Variants in RALGAPA2 observed in about 807,000 individuals in gnomAD.
RALGAPA2 encodes the protein ral GTPase-activating protein subunit alpha-2.
A neutral mutation model predicts 230.4 loss-of-function variants in RALGAPA2; 139 were observed. The observed-to-expected ratio is 0.60, with a 90% CI of 0.53 to 0.69. The LOEUF (loss-of-function observed/expected upper bound fraction) is 0.69. Among genes scored for constraint, RALGAPA2 ranks in the 30% least tolerant of loss-of-function variants. The pLI, the probability that RALGAPA2 is intolerant of heterozygous loss-of-function variation, is 0.00. For synonymous variants in RALGAPA2, 847 were observed against 837.8 expected, an observed-to-expected ratio of 1.01 and a Z score of -0.19; for missense variants, 2,163 against 2,276.0, an observed-to-expected ratio of 0.95 and a Z score of 1.01.
At position 20,564,934 on chromosome 20, in the gene RALGAPA2, T is replaced by A. The variant is rs550249333; in HGVS notation, c.3156+6524A>T. On this transcript the variant is annotated intron_variant, in intron 23 of 39. Transcript: ENST00000202677. Reference sequence around the variant, plus strand: ...TGTTGTATAAACCTATAGTTTTTTTTAAACTGTTTTTAAATGAAGCTTTAA... The same window carrying A: ...TGTTGTATAAACCTATAGTTTTTTTAAAACTGTTTTTAAATGAAGCTTTAA... Among the ~76,000 whole-genome samples, 11 of 152,346 alleles carry A rather than the reference T, an allele frequency of 7.2e-5. No homozygotes were observed. The South Asian group carries it at 1.0e-3, about 14-fold the overall frequency.
rs116452625 is a variant in RALGAPA2, at chr20:20,395,769, A to G, written c.*35+926T>C. 6.2e-3 allele frequency among the ~76,000 whole-genome samples: 946 copies of G among 152,274 alleles called. 11 individuals are homozygous for G. Among genetic ancestry groups the G allele is most frequent in the African/African-American group, 0.022 (908 of 41,546 alleles). On this transcript the variant is annotated intron_variant, in intron 39 of 39. Coordinates refer to ENST00000202677, the MANE Select transcript of RALGAPA2 (RefSeq NM_020343.4). ...GCCTGCAGGTCCAACAGCCCTGCCT[A>G]GCAGAGGAGGGTGAAGGTTTGGATA...
intron 37 of RALGAPA2, among the ~76,000 whole-genome samples, chr20:20,422,448 G>A (rs1357161158): frequency 6.6e-6 from 1 of 152,128 alleles, no homozygotes; most frequent in Non-Finnish European, 1.5e-5. Context: ...GCACGTGCCT[G>A]TGGTTCCAGC....
rs575667412 is a variant in RALGAPA2, at chr20:20,636,448, T to C, written c.806-831A>G. Among the ~76,000 whole-genome samples, 517 of 152,276 alleles carry C rather than the reference T, an allele frequency of 3.4e-3. 2 individuals are homozygous for C. The highest frequency in any genetic ancestry group is 0.012 in the African/African-American group (497 of 41,554). On this transcript the variant is annotated intron_variant, in intron 8 of 39. Transcript: ENST00000202677. ...AACAAATTTTGAAAAAATATTCACA[T>C]ATATATAGCTAAAGAAATACATGTC...
intron 37 of RALGAPA2, among the ~76,000 whole-genome samples, chr20:20,429,451 T>C (rs1421336156): frequency 6.6e-6 from 1 of 152,190 alleles, no homozygotes; most frequent in Non-Finnish European, 1.5e-5. Context: ...CTGGAATAAA[T>C]GGTGACTTTC....
intron 23 of RALGAPA2, among the ~76,000 whole-genome samples, chr20:20,559,659 T>A (rs2064195704): frequency 6.6e-6 from 1 of 150,960 alleles, no homozygotes; most frequent in Non-Finnish European, 1.5e-5. Context: ...TTTAGGGGCC[T>A]AAAAACAACT....
At chr20:20,426,349 G>T (rs1298485632) in intron 37 of RALGAPA2, among the ~76,000 whole-genome samples, 6 of 152,190 alleles carry the variant, frequency 3.9e-5, no homozygotes, top group Non-Finnish European at 7.4e-5. Context: ...TTCATAACAG[G>T]CTCAATTGTA....
At chr20:20,606,201 C>T (rs1370099793) in intron 14 of RALGAPA2, among the ~76,000 whole-genome samples, 4 of 152,146 alleles carry the variant, frequency 2.6e-5, no homozygotes, top group South Asian at 4.1e-4. Flanking sequence ...GTTCCACACC[C>T]GCTCCATCTC....
chr20:20,479,295 G>A (rs2061720113), intron 36 of RALGAPA2, among the ~76,000 whole-genome samples: 1 of 152,110 alleles, frequency 6.6e-6, no homozygotes, highest in Non-Finnish European at 1.5e-5. Flanking sequence ...CCATAGTATA[G>A]GAAAACAGAA....
rs2063202755 is a variant in RALGAPA2, at chr20:20,526,354, G to T, written c.3591C>A (p.Asn1197Lys). 1.3e-6 allele frequency: 2 copies of T among 1,589,932 alleles called. No individual in the cohort carries two copies. The highest frequency in any genetic ancestry group is 1.7e-6 in the Non-Finnish European group (2 of 1,170,400). ...CGCAAGCTACCTGGGCCACGATTTT[G>T]TTGGGAAACTATAAAAGGAAACCGA... ...NVIGVTLKFP[N>K]KIVAQVACDV... Residue 1197 changes from asparagine (N) to lysine (K), a missense_variant, in exon 28 of 40, where the codon AAC becomes AAA. Coordinates refer to ENST00000202677, the MANE Select transcript of RALGAPA2 (RefSeq NM_020343.4).
intron 4 of RALGAPA2, among the ~76,000 whole-genome samples, chr20:20,652,972 G>A (rs1481826020): frequency 4.6e-5 from 7 of 151,722 alleles, no homozygotes; most frequent in African/African-American, 1.7e-4. Flanking sequence ...CGGGTGGATC[G>A]CTTGAGGCCA....
intron 1 of RALGAPA2, among the ~76,000 whole-genome samples, chr20:20,691,735 C>T (rs1396641919): frequency 6.6e-6 from 1 of 152,160 alleles, no homozygotes; most frequent in East Asian, 1.9e-4. Flanking sequence ...GAAGGGGAGC[C>T]TAGAATCCTG....
chr20:20,495,018 A>G, intron 36 of RALGAPA2, 99 bp downstream of exon 36: 1 of 1,104,448 alleles, frequency 9.1e-7, no homozygotes, highest in Non-Finnish European at 1.3e-6. Flanking sequence ...CAACTGGATG[A>G]GAGTCCCCTT....
intron 2 of RALGAPA2, among the ~76,000 whole-genome samples, chr20:20,677,729 C>T (rs1243117090): frequency 1.3e-5 from 2 of 148,292 alleles, no homozygotes; most frequent in Admixed American, 6.8e-5. Context: ...CTGCAAGCTC[C>T]GCCTCCTGGG....
chr20:20,585,538 A>G (rs538183336), intron 18 of RALGAPA2, among the ~76,000 whole-genome samples: 1 of 152,368 alleles, frequency 6.6e-6, no homozygotes, highest in South Asian at 2.1e-4. Flanking sequence ...CAAAATAATT[A>G]TAATGTATAT....
intron 31 of RALGAPA2, among the ~76,000 whole-genome samples, chr20:20,517,557 T>C (rs2062909680): frequency 6.6e-6 from 1 of 151,886 alleles, no homozygotes; most frequent in Non-Finnish European, 1.5e-5. Context: ...ATTAAACAAA[T>C]AAAAAAGTGC....
intron 37 of RALGAPA2, among the ~76,000 whole-genome samples, chr20:20,422,771 GC>G (rs1266492383): frequency 6.6e-6 from 1 of 152,206 alleles, no homozygotes; most frequent in African/African-American, 2.4e-5. Context: ...AAGACCATGT[GC>G]CGCGACTGTT....
chr20:20,700,430 C>T (rs943374700), intron 1 of RALGAPA2, among the ~76,000 whole-genome samples: 1 of 152,134 alleles, frequency 6.6e-6, no homozygotes, highest in Admixed American at 6.5e-5. Flanking sequence ...CAAACCTGCA[C>T]ATGTACCCCC....
rs1416574006 is a variant in RALGAPA2, at chr20:20,712,143, GA to G, written c.106+231del. ...CTCCGGGAGCGCAGGCGCCCAGCGA[GA>G]ATCTGGGCTAAGTTTAACTCGAGGG... On this transcript the variant is annotated intron_variant, in intron 1 of 39. Coordinates refer to ENST00000202677, the MANE Select transcript of RALGAPA2 (RefSeq NM_020343.4). This position sits in a 1 kb window ranked among gnomAD's most constrained non-coding sequence, Gnocchi z 5.5. Among the ~76,000 whole-genome samples the G allele has an allele frequency of 2.6e-5, 4 of 152,164 alleles. No individual in the cohort carries two copies. Among genetic ancestry groups the G allele is most frequent in the African/African-American group, 9.7e-5 (4 of 41,446 alleles).
At chr20:20,683,525 C>G (rs1355050425) in intron 1 of RALGAPA2, among the ~76,000 whole-genome samples, 1 of 152,234 alleles carries the variant, frequency 6.6e-6, no homozygotes, top group Non-Finnish European at 1.5e-5. Flanking sequence ...CCCCAAACTT[C>G]CCGAACATAT....
Sources: allele counts gnomAD v4.1 joint callset (sites outside exome capture counted in the v4.1 genomes callset), GRCh38; gene constraint gnomAD v4.1.1; non-coding constraint Gnocchi (gnomAD v3.1); transcripts MANE v1.5; gene names NCBI Gene and HGNC (gene_info 2026-07-23, HGNC 2026-07-21).